Variants in SETBP1 observed in about 807,000 individuals in gnomAD.
The protein encoded by SETBP1 is SET-binding protein.
Under a neutral mutation model 101.0 loss-of-function variants are expected in SETBP1, and 9 were observed. The observed-to-expected ratio is 0.09, with a 90% confidence interval of 0.05 to 0.16. The LOEUF (loss-of-function observed/expected upper bound fraction) is 0.16, where lower values mean the gene tolerates loss of function less well. Among genes scored for constraint, SETBP1 ranks in the 10% least tolerant of loss-of-function variants. SETBP1 has a pLI of 1.00. For synonymous variants in SETBP1, 818 were observed against 788.5 expected (o/e 1.04, Z -0.63); for missense variants, 1,858 against 2,033.8 (o/e 0.91, Z 1.66).
chr18:44,829,714 A>G (rs1406628221), intron 2 of SETBP1, among the ~76,000 whole-genome samples: 20 of 152,354 alleles, frequency 1.3e-4, no homozygotes, highest in Admixed American at 1.2e-3. Context: ...ATGAAATTCT[A>G]TAACGGAGGG....
intron 3 of SETBP1, among the ~76,000 whole-genome samples, chr18:44,936,931 C>G (rs997001071): frequency 6.6e-6 from 1 of 152,096 alleles, no homozygotes; most frequent in Admixed American, 6.5e-5. Flanking sequence ...AGAGGGTGAC[C>G]AGAATGAATG....
chr18:45,014,974 T>C (rs1369394867), intron 4 of SETBP1, among the ~76,000 whole-genome samples: 1 of 152,228 alleles, frequency 6.6e-6, no homozygotes, highest in Non-Finnish European at 1.5e-5. Context: ...GGAACTGGAA[T>C]GCATGCTTCA....
chr18:45,020,396 A>G (rs527664788), intron 4 of SETBP1, among the ~76,000 whole-genome samples: 3 of 151,478 alleles, frequency 2.0e-5, no homozygotes, highest in Non-Finnish European at 4.4e-5. Flanking sequence ...ACAAGCCTGG[A>G]CCTAACTGGG....
intron 2 of SETBP1, among the ~76,000 whole-genome samples, chr18:44,827,963 G>A (rs1228564000): frequency 1.3e-5 from 2 of 152,178 alleles, no homozygotes; most frequent in Middle Eastern, 3.2e-3. Context: ...TTTTATTGAT[G>A]ATCTGAAATT....
At chr18:44,843,331 A>G (rs2072660008) in intron 2 of SETBP1, among the ~76,000 whole-genome samples, 1 of 152,136 alleles carries the variant, frequency 6.6e-6, no homozygotes, top group Non-Finnish European at 1.5e-5. Flanking sequence ...AAATAAAGAG[A>G]TTTCTCACCC....
chr18:44,961,279 G>T lies in SETBP1; in HGVS notation c.4000+7939G>T, dbSNP rs139307616. 9.0e-3 allele frequency among the ~76,000 whole-genome samples: 1,376 copies of T among 152,312 alleles called. 10 individuals carry two copies. The highest frequency in any genetic ancestry group is 0.011 in the Non-Finnish European group (734 of 68,028). On this transcript the variant is annotated intron_variant, in intron 4 of 5. Transcript: ENST00000649279. Reference sequence around the variant, plus strand: ...GAAGTGATCAGCAGAGCCAGAAGATGCAGAGTTTATGGAGGATGAAAACAA... The same window carrying T: ...GAAGTGATCAGCAGAGCCAGAAGATTCAGAGTTTATGGAGGATGAAAACAA...
At chr18:45,059,484 A>G (rs2073858247) in intron 5 of SETBP1, among the ~76,000 whole-genome samples, 1 of 152,122 alleles carries the variant, frequency 6.6e-6, no homozygotes, top group Non-Finnish European at 1.5e-5. Flanking sequence ...TTTGATGCAC[A>G]GTTTCATCTT....
Position 44,951,758 on chromosome 18 carries a change from A to G in SETBP1, c.2418A>G (p.Pro806=). ...ATTTTTCAGAGTTGAAAACTATGCC[A>G]AATCTCCAGCCCATCAGTGCTCTTC... ...ETNFSELKTM[P]NLQPISALPT... is the part of the protein sequence containing the mutation. Residue 806 remains proline, a synonymous_variant, in exon 4 of 6, where the codon CCA becomes CCG. Coordinates refer to ENST00000649279, the MANE Select transcript of SETBP1 (RefSeq NM_015559.3). This position sits in a 1 kb window ranked among gnomAD's most constrained non-coding sequence, Gnocchi z 7.8. 1 of 1,614,154 alleles carries G rather than the reference A, an allele frequency of 6.2e-7. No individual in the cohort carries two copies. The highest frequency in any genetic ancestry group is 8.5e-7 in the Non-Finnish European group (1 of 1,180,024).
intron 2 of SETBP1, among the ~76,000 whole-genome samples, chr18:44,837,895 T>A (rs1489073694): frequency 6.6e-6 from 1 of 152,238 alleles, no homozygotes; most frequent in Non-Finnish European, 1.5e-5. Flanking sequence ...CAGAGACATA[T>A]GCAAACACAT....
intron 3 of SETBP1, among the ~76,000 whole-genome samples, chr18:44,948,535 G>GATAGATAGATAGATGATAT: frequency 6.7e-6 from 1 of 149,862 alleles, no homozygotes; most frequent in African/African-American, 2.5e-5. Flanking sequence ...ATAGATGATA[G>GATAGATAGATAGATGATAT]ATAGATATTA....
chr18:44,929,477 C>A (rs945511833), intron 3 of SETBP1, among the ~76,000 whole-genome samples: 6 of 152,140 alleles, frequency 3.9e-5, no homozygotes, highest in African/African-American at 1.4e-4. Context: ...TGAAGAAAGT[C>A]ATTGGTAGCT....
chr18:44,950,844 A>G lies in SETBP1; in HGVS notation c.1504A>G (p.Met502Val). Residue 502 changes from methionine (M) to valine (V), a missense_variant, in exon 4 of 6, where the codon ATG becomes GTG. Met to Val is a conservative substitution (Grantham distance 21, BLOSUM62 1). This residue lies in a region of SETBP1 where 581 missense variants were observed against 535.1 expected (regional missense o/e 1.09). Coordinates refer to ENST00000649279, the MANE Select transcript of SETBP1 (RefSeq NM_015559.3). ...TGTGTCTAAGCCGCGGAAGCCACCC[A>G]TGGTCATGACACCTCCAACGTGCAC... ...GGVSKPRKPP[M>V]VMTPPTCTDH... 1.2e-6 allele frequency: 2 copies of G among 1,614,136 alleles called. No individual in the cohort carries two copies. Among genetic ancestry groups the G allele is most frequent in the East Asian group, 2.2e-5 (1 of 44,874 alleles).
intron 1 of SETBP1, among the ~76,000 whole-genome samples, chr18:44,682,467 C>T (rs989566657): frequency 1.3e-5 from 2 of 152,148 alleles, no homozygotes; most frequent in Admixed American, 6.5e-5. Context: ...TTTACCATCC[C>T]AGGTCACTCC....
At chr18:44,753,639 G>A (rs987560208) in intron 2 of SETBP1, among the ~76,000 whole-genome samples, 7 of 152,238 alleles carry the variant, frequency 4.6e-5, no homozygotes, top group Admixed American at 4.6e-4. Flanking sequence ...GACCATGAAT[G>A]ACCCAGACAG....
intron 3 of SETBP1, among the ~76,000 whole-genome samples, chr18:44,881,203 G>C (rs2069523012): frequency 1.3e-5 from 2 of 152,136 alleles, no homozygotes. Context: ...TGATTTTATG[G>C]TATAACAGGA....
At chr18:44,798,216 A>G (rs1348157733) in intron 2 of SETBP1, among the ~76,000 whole-genome samples, 2 of 152,232 alleles carry the variant, frequency 1.3e-5, no homozygotes, top group African/African-American at 4.8e-5. Context: ...CATAATGTTG[A>G]GAACATGTAG....
chr18:44,963,047 G>A (rs963541454), intron 4 of SETBP1, among the ~76,000 whole-genome samples: 6 of 152,044 alleles, frequency 3.9e-5, no homozygotes, highest in Non-Finnish European at 8.8e-5. Context: ...TTTTCCACTC[G>A]ACAGCCAAGG....
intron 5 of SETBP1, among the ~76,000 whole-genome samples, chr18:45,045,986 CA>C (rs1245772970): frequency 6.6e-6 from 1 of 152,060 alleles, no homozygotes; most frequent in Non-Finnish European, 1.5e-5. Context: ...TCAGCTCTAA[CA>C]AGCCTTCCCT....
intron 5 of SETBP1, among the ~76,000 whole-genome samples, chr18:45,043,076 C>T (rs1296664661): frequency 6.6e-6 from 1 of 152,188 alleles, no homozygotes; most frequent in African/African-American, 2.4e-5. Flanking sequence ...ATTTAATAAT[C>T]ATATCAGATA....
Sources: allele counts gnomAD v4.1 joint callset (sites outside exome capture counted in the v4.1 genomes callset), GRCh38; gene constraint gnomAD v4.1.1; regional missense constraint gnomAD v4.1.1; non-coding constraint Gnocchi (gnomAD v3.1); transcripts MANE v1.5; gene names NCBI Gene and HGNC (gene_info 2026-07-23, HGNC 2026-07-21).